The following GSTA1 variants were observed in gnomAD, a reference collection of about 807,000 sequenced individuals.
GSTA1 encodes glutathione S-transferase alpha 1.
A neutral mutation model predicts 21.5 loss-of-function variants in GSTA1; 23 were observed. The ratio of observed to expected loss-of-function variants is 1.07; its 90% CI spans 0.77 to 1.52. GSTA1 has a LOEUF of 1.52. GSTA1 is among the 40% of genes most tolerant of loss of function. The pLI is 0.00. For missense variants in GSTA1, 301 were observed against 264.2 expected (o/e 1.14, Z -0.96); for synonymous variants, 125 against 90.0 (o/e 1.39, Z -2.20).
chr6:52,803,561 A>G lies in GSTA1; in HGVS notation c.-31+224T>C, dbSNP rs201946609. On this transcript the variant is annotated intron_variant, in intron 1 of 6. Coordinates refer to ENST00000334575, the MANE Select transcript of GSTA1 (RefSeq NM_145740.5). ...TGTTTCCCATACCATTAAATGCTGAAGCCCTGGTTTTCTAAATTCTTCATT... is the reference window on the plus strand; with the variant it reads ...TGTTTCCCATACCATTAAATGCTGAGGCCCTGGTTTTCTAAATTCTTCATT... 1.6e-4 allele frequency among the ~76,000 whole-genome samples: 25 copies of G among 152,240 alleles called. No individual in the cohort carries two copies. In the East Asian group the frequency reaches 3.7e-3, roughly 22 times the overall value.
intron 6 of GSTA1, chr6:52,792,580 T>A: frequency 1.7e-6 from 1 of 587,342 alleles, no homozygotes; most frequent in South Asian, 2.0e-5. Flanking sequence ...GAAACCACAT[T>A]GAAATAGAGG....
chr6:52,797,585 C>A lies in GSTA1; in HGVS notation c.139+1G>T. 6.2e-7 allele frequency: 1 copy of A among 1,606,654 alleles called. No homozygotes were observed. Among genetic ancestry groups the A allele is most frequent in the South Asian group, 1.1e-5 (1 of 90,940 alleles). The stretch of plus-strand genomic sequence containing the variant: ...CAGAGGAACTTAGAGATTGATCTTA[C>A]CATTTCTTAACTTGTCCAAATCTTC... On this transcript the variant is annotated splice_donor_variant, in intron 3 of 6. Coordinates refer to ENST00000334575, the MANE Select transcript of GSTA1 (RefSeq NM_145740.5). LOFTEE classifies it high-confidence loss of function.
chr6:52,803,206 C>T (rs1581800791), intron 1 of GSTA1, among the ~76,000 whole-genome samples: 1 of 152,172 alleles, frequency 6.6e-6, no homozygotes, highest in Non-Finnish European at 1.5e-5. Context: ...AGGGCAGCAA[C>T]AGTCGGAGCC....
chr6:52,799,125 A>T lies in GSTA1; in HGVS notation c.87+56T>A, dbSNP rs1241249819. The T allele has an allele frequency of 2.7e-6, 4 of 1,505,964 alleles. No individual in the cohort carries two copies. The African/African-American group carries it at 5.5e-5, about 21-fold the overall frequency. The allele number at this position is 1,505,964 out of a possible 1,614,324, so 93.3% of individuals were successfully genotyped here. A position where few individuals can be genotyped will look rare whatever the true frequency, so the allele number is the denominator to read the frequency against. ...AACATCTCATAGTTTCTGTGGGAAA[A>T]GTATGTGATAACACAATTTTAAATC... is the stretch of plus-strand genomic sequence containing the variant. On this transcript the variant is annotated intron_variant, in intron 2 of 6. Coordinates refer to ENST00000334575, the MANE Select transcript of GSTA1 (RefSeq NM_145740.5).
chr6:52,799,281 T>G lies in GSTA1; in HGVS notation c.-14A>C, dbSNP rs866028072. ...CTTCTCTGCCATGATAGCAGTCTCC[T>G]GGAGGTTTCTCTAAGCCTGAATGAA... On this transcript the variant is annotated 5_prime_UTR_variant, in exon 2 of 7. Transcript: ENST00000334575. 8 of 1,605,864 alleles carry G rather than the reference T, an allele frequency of 5.0e-6. No homozygotes were observed. In the Middle Eastern group the frequency reaches 4.9e-4, roughly 99 times the overall value.
intron 3 of GSTA1, 33 bp downstream of exon 3, chr6:52,797,553 C>G: frequency 5.8e-6 from 9 of 1,552,978 alleles, no homozygotes; most frequent in Non-Finnish European, 7.1e-6. Flanking sequence ...CTACTAGATA[C>G]CCTCATCAGA....
Position 52,797,586 on chromosome 6 carries a change from C to T in GSTA1, c.139G>A (p.Asp47Asn), listed in dbSNP as rs1234019724. The change falls in exon 3 of 7, where the codon GAT becomes AAT. Residue 47 changes from aspartate to asparagine, a missense_variant and splice_region_variant. Asp to Asn is a conservative substitution (Grantham distance 23). Coordinates refer to ENST00000334575, the MANE Select transcript of GSTA1 (RefSeq NM_145740.5). ...AGAGGAACTTAGAGATTGATCTTACCATTTCTTAACTTGTCCAAATCTTCT... is the reference window on the plus strand; with the variant it reads ...AGAGGAACTTAGAGATTGATCTTACTATTTCTTAACTTGTCCAAATCTTCT... ...SAEDLDKLRN[D>N]GYLMFQQVPM... 2 of 1,606,410 alleles carry T rather than the reference C, an allele frequency of 1.2e-6. No individual in the cohort carries two copies. The highest frequency in any genetic ancestry group is 1.3e-5 in the African/African-American group (1 of 74,682).
chr6:52,802,373 A>T (rs1033207917), intron 1 of GSTA1, among the ~76,000 whole-genome samples: 4 of 152,212 alleles, frequency 2.6e-5, no homozygotes, highest in Non-Finnish European at 5.9e-5. Flanking sequence ...TCATAAATGC[A>T]GTAGGTTGTT....
chr6:52,792,539 G>T (rs1279952778), intron 6 of GSTA1, among the ~76,000 whole-genome samples: 1 of 152,150 alleles, frequency 6.6e-6, no homozygotes, highest in Non-Finnish European at 1.5e-5. Context: ...GCACATATGG[G>T]ATAAAGGACA....
rs529451228 is a variant in GSTA1 at position 52,800,711 on chromosome 6, G to A, written c.-30-1414C>T. On this transcript the variant is annotated intron_variant, in intron 1 of 6. Coordinates refer to ENST00000334575, the MANE Select transcript of GSTA1 (RefSeq NM_145740.5). Reference sequence around the variant, plus strand: ...TTGTATCATGAATGTGAATGGAAGGGCACAGGACTCATTGAAAGCAGGAGT... The same window carrying A: ...TTGTATCATGAATGTGAATGGAAGGACACAGGACTCATTGAAAGCAGGAGT... 5.3e-5 allele frequency among the ~76,000 whole-genome samples: 8 copies of A among 152,210 alleles called. No individual in the cohort carries two copies. The East Asian group carries it at 1.5e-3, about 29-fold the overall frequency.
chr6:52,803,030 C>T (rs371353433), intron 1 of GSTA1, among the ~76,000 whole-genome samples: 111 of 152,204 alleles, frequency 7.3e-4, no homozygotes, highest in Non-Finnish European at 1.2e-3. Context: ...GGGGATTTTG[C>T]TCCTCTGCTC....
At chr6:52,796,538 TATATA>T (rs1763592818) in intron 3 of GSTA1, among the ~76,000 whole-genome samples, 1 of 54,992 alleles carries the variant, frequency 1.8e-5, no homozygotes, top group African/African-American at 5.4e-5. Flanking sequence ...TGTATATATA[TATATA>T]TTTTTTTTTT....
At chr6:52,798,141 C>G (rs1561913990) in intron 2 of GSTA1, among the ~76,000 whole-genome samples, 2 of 152,218 alleles carry the variant, frequency 1.3e-5, no homozygotes, top group African/African-American at 4.8e-5. Flanking sequence ...CACTGTTGCA[C>G]AGCTTTCACA....
At position 52,796,572 on chromosome 6, in the gene GSTA1, A is replaced by G. The variant is rs543264636; in HGVS notation, c.140-258T>C. 2.8e-5 allele frequency among the ~76,000 whole-genome samples: 3 copies of G among 108,642 alleles called. No individual in the cohort carries two copies. The South Asian group carries it at 9.8e-4, about 36-fold the overall frequency. 71.3% of individuals were successfully genotyped at this position (108,642 alleles called of 152,430 possible). A position where few individuals can be genotyped will look rare whatever the true frequency, so the allele number is the denominator to read the frequency against. On this transcript the variant is annotated intron_variant, in intron 3 of 6. Transcript: ENST00000334575. Reference sequence around the variant, plus strand: ...TTTTTTTTTTTTTTTTTGGCAGAGTATCATTCTGTCACCCAGGCTGGAGTG... The same window carrying G: ...TTTTTTTTTTTTTTTTTGGCAGAGTGTCATTCTGTCACCCAGGCTGGAGTG...
At chr6:52,793,034 T>A in intron 5 of GSTA1, 47 bp from the exon 6 acceptor site, 1 of 1,613,144 alleles carries the variant, frequency 6.2e-7, no homozygotes, top group Non-Finnish European at 8.5e-7. Flanking sequence ...ACACCCAGGC[T>A]AGGACCCCTG....
chr6:52,797,771 G>T, intron 2 of GSTA1, 134 bp from the exon 3 acceptor site: 3 of 713,424 alleles, frequency 4.2e-6, no homozygotes, highest in Non-Finnish European at 7.2e-6. Context: ...GAGGGGGCTG[G>T]TCATGGCCAT....
intron 5 of GSTA1, among the ~76,000 whole-genome samples, chr6:52,793,569 C>T (rs138143427): frequency 3.4e-4 from 52 of 152,314 alleles, no homozygotes; most frequent in African/African-American, 1.2e-3. Flanking sequence ...ATGTTATAAT[C>T]TGCAAGCTGA....
chr6:52,796,400 A>T (rs1763583898), intron 3 of GSTA1, 86 bp from the exon 4 acceptor site: 5 of 1,566,956 alleles, frequency 3.2e-6, no homozygotes, highest in Non-Finnish European at 4.3e-6. Context: ...AAATGACTAA[A>T]TTTGTAAAAT....
At chr6:52,802,132 T>C (rs1422618469) in intron 1 of GSTA1, among the ~76,000 whole-genome samples, 3 of 152,154 alleles carry the variant, frequency 2.0e-5, no homozygotes, top group Non-Finnish European at 4.4e-5. Flanking sequence ...TTTCTCTGAT[T>C]TGACAACCTA....
Sources: gnomAD v4.1 joint callset for allele counts (sites outside exome capture counted in the v4.1 genomes callset) on GRCh38, gnomAD v4.1.1 for gene constraint, MANE v1.5 for transcripts, NCBI Gene and HGNC (gene_info 2026-07-23, HGNC 2026-07-21) for gene names.